The following CNTN4 variants were observed in gnomAD, a reference collection of about 807,000 sequenced individuals.
The protein encoded by CNTN4 is contactin-4.
Under a neutral mutation model 122.5 loss-of-function variants are expected in CNTN4, and 77 were observed. That is an observed-to-expected ratio of 0.63 (90% CI 0.52 to 0.76). The LOEUF (loss-of-function observed/expected upper bound fraction) is 0.76. CNTN4 is among the 30% of genes least tolerant of loss of function. The pLI, the probability that CNTN4 is intolerant of heterozygous loss-of-function variation, is 0.00. For missense variants in CNTN4, 1,256 were observed against 1,259.1 expected (o/e 1.00, Z 0.04); for synonymous variants, 512 against 447.0 (o/e 1.15, Z -1.83).
At chr3:2,754,621 GA>G (rs1161016758) in intron 6 of CNTN4, among the ~76,000 whole-genome samples, 16 of 151,758 alleles carry the variant, frequency 1.1e-4, no homozygotes, top group Non-Finnish European at 2.1e-4. Flanking sequence ...TTAAAAAATG[GA>G]AAAATGGAGA....
intron 7 of CNTN4, among the ~76,000 whole-genome samples, chr3:2,849,129 C>A (rs1050876354): frequency 6.6e-6 from 1 of 152,174 alleles, no homozygotes; most frequent in Non-Finnish European, 1.5e-5. Context: ...ATCCACTGTC[C>A]TGGAAACATG....
At chr3:2,447,554 T>C (rs576831488) in intron 3 of CNTN4, among the ~76,000 whole-genome samples, 2 of 152,254 alleles carry the variant, frequency 1.3e-5, no homozygotes, top group East Asian at 3.9e-4. Context: ...GAGCAATTTC[T>C]TTTTCTACGT....
chr3:2,159,330 CTT>C (rs1226297076), intron 2 of CNTN4, among the ~76,000 whole-genome samples: 2 of 152,224 alleles, frequency 1.3e-5, no homozygotes, highest in East Asian at 3.9e-4. Context: ...TCCTTATGAA[CTT>C]TCTTAATATT....
chr3:2,631,865 C>CAAAAAAAAAAA lies in CNTN4; in HGVS notation c.55+60310_55+60320dup, dbSNP rs1157671569. On this transcript the variant is annotated intron_variant, in intron 4 of 24. Transcript: ENST00000418658. ...GCAACATAGGGAGACCGTATCTCTACAAAAAAAAAAAAACAAAAAAAAACA... is the reference window on the plus strand; with the variant it reads ...GCAACATAGGGAGACCGTATCTCTACAAAAAAAAAAAAAAAAAAAAAAAACAAAAAAAAACA... Among the ~76,000 whole-genome samples the CAAAAAAAAAAA allele has an allele frequency of 1.3e-3, 89 of 70,040 alleles. 1 individual carries two copies. The highest frequency in any genetic ancestry group is 5.1e-3 in the South Asian group (10 of 1,976). 45.9% of individuals were successfully genotyped at this position (70,040 alleles called of 152,430 possible).
At chr3:2,285,771 A>C (rs1051423317) in intron 2 of CNTN4, among the ~76,000 whole-genome samples, 10 of 152,256 alleles carry the variant, frequency 6.6e-5, no homozygotes, top group Non-Finnish European at 8.8e-5. Flanking sequence ...TTAAATAGGC[A>C]CATAAATACA....
At chr3:2,486,119 A>G (rs1414908654) in intron 3 of CNTN4, among the ~76,000 whole-genome samples, 5 of 152,146 alleles carry the variant, frequency 3.3e-5, no homozygotes, top group Admixed American at 3.3e-4. Context: ...GGGAGGAACA[A>G]CAACTCCAGA....
chr3:2,882,866 A>C (rs1420746084), intron 8 of CNTN4: 2 of 356,440 alleles, frequency 5.6e-6, no homozygotes, highest in Non-Finnish European at 1.1e-5. Flanking sequence ...TTTTTTCCTT[A>C]AGACTACCTT....
chr3:2,826,287 A>G (rs1198396696), intron 7 of CNTN4, among the ~76,000 whole-genome samples: 2 of 152,152 alleles, frequency 1.3e-5, no homozygotes, highest in Non-Finnish European at 2.9e-5. Flanking sequence ...TAATTTTAAT[A>G]TGCAGCCAGG....
intron 10 of CNTN4, among the ~76,000 whole-genome samples, chr3:2,891,840 G>A (rs139034332): frequency 2.5e-4 from 38 of 152,278 alleles, no homozygotes; most frequent in Admixed American, 2.3e-3. Flanking sequence ...AGGGTGACTC[G>A]ATTTGATTAA....
intron 4 of CNTN4, among the ~76,000 whole-genome samples, chr3:2,588,073 G>GT (rs968052856): frequency 6.3e-4 from 93 of 147,266 alleles, no homozygotes; most frequent in South Asian, 8.6e-4. Flanking sequence ...TATTAATTAT[G>GT]TTTTTTTTTT....
intron 10 of CNTN4, among the ~76,000 whole-genome samples, chr3:2,899,049 C>T (rs1376646260): frequency 6.6e-6 from 1 of 152,166 alleles, no homozygotes; most frequent in Non-Finnish European, 1.5e-5. Context: ...TTTGGCCTCC[C>T]CTCATATGCA....
intron 2 of CNTN4, among the ~76,000 whole-genome samples, chr3:2,169,552 G>A (rs1171008363): frequency 2.0e-5 from 3 of 150,956 alleles, no homozygotes; most frequent in South Asian, 2.1e-4. Context: ...GACTACAGGC[G>A]CCGCCACCAC....
At chr3:2,329,976 T>C (rs1306904650) in intron 2 of CNTN4, among the ~76,000 whole-genome samples, 1 of 152,160 alleles carries the variant, frequency 6.6e-6, no homozygotes, top group Non-Finnish European at 1.5e-5. Context: ...GCTGTCTACC[T>C]GGAGTTACAG....
At chr3:2,190,399 G>A (rs947134050) in intron 2 of CNTN4, among the ~76,000 whole-genome samples, 2 of 151,658 alleles carry the variant, frequency 1.3e-5, no homozygotes, top group Non-Finnish European at 2.9e-5. Context: ...AGAAGGAGGT[G>A]TCCTACACTA....
At chr3:2,311,735 A>T (rs187073094) in intron 2 of CNTN4, among the ~76,000 whole-genome samples, 401 of 152,268 alleles carry the variant, frequency 2.6e-3, no homozygotes, top group Middle Eastern at 0.014. Flanking sequence ...GGAAAGGCTT[A>T]TGCACATTTA....
intron 4 of CNTN4, among the ~76,000 whole-genome samples, chr3:2,628,881 G>A (rs955682518): frequency 6.6e-6 from 1 of 152,068 alleles, no homozygotes; most frequent in Non-Finnish European, 1.5e-5. Flanking sequence ...TTTTTTGTTT[G>A]TTTTTTACTC....
At chr3:2,168,210 A>T (rs2036287943) in intron 2 of CNTN4, among the ~76,000 whole-genome samples, 1 of 152,206 alleles carries the variant, frequency 6.6e-6, no homozygotes, top group African/African-American at 2.4e-5. Context: ...ATGTTTATGA[A>T]ATTTGATCAT....
At chr3:3,043,205 C>T in intron 22 of CNTN4, 42 bp downstream of exon 22, 1 of 1,569,804 alleles carries the variant, frequency 6.4e-7, no homozygotes. Context: ...GGATTCATCA[C>T]ACATATCCCA....
At chr3:2,866,361 G>A in intron 7 of CNTN4, 1 of 462,728 alleles carries the variant, frequency 2.2e-6, no homozygotes, top group Non-Finnish European at 3.0e-6. Context: ...GATCTAAATA[G>A]TTTCCAGGGT....
Sources: gnomAD v4.1 joint callset for allele counts (sites outside exome capture counted in the v4.1 genomes callset) on GRCh38, gnomAD v4.1.1 for gene constraint, MANE v1.5 for transcripts, NCBI Gene and HGNC (gene_info 2026-07-23, HGNC 2026-07-21) for gene names.